ARHGAP17: variants seen among roughly 807,000 people sequenced by gnomAD.
ARHGAP17 encodes the protein rho GTPase-activating protein 17.
In ARHGAP17, 57 loss-of-function variants were observed where a neutral mutation model predicts 99.5. The ratio of observed to expected loss-of-function variants is 0.57; its 90% CI spans 0.46 to 0.71. The LOEUF (loss-of-function observed/expected upper bound fraction) is 0.71, where lower values mean the gene tolerates loss of function less well. Ranked by LOEUF, ARHGAP17 falls within the 30% of genes least tolerant of loss-of-function variation. The pLI is 0.00. For missense variants in ARHGAP17, 1,000 were observed against 1,122.4 expected (o/e 0.89, Z 1.56); for synonymous variants, 417 against 429.6 (o/e 0.97, Z 0.36).
At chr16:25,010,527 G>A (rs900836284) in intron 1 of ARHGAP17, among the ~76,000 whole-genome samples, 5 of 152,212 alleles carry the variant, frequency 3.3e-5, no homozygotes, top group African/African-American at 9.6e-5. Flanking sequence ...AGTAAAGAAA[G>A]GATGAGCTGT....
intron 17 of ARHGAP17, among the ~76,000 whole-genome samples, chr16:24,937,607 AAGTC>A (rs1286781039): frequency 6.6e-6 from 1 of 152,194 alleles, no homozygotes; most frequent in East Asian, 1.9e-4. Context: ...AAGCCCTAAG[AAGTC>A]TGAAGTCTTA....
chr16:25,011,964 T>C (rs189499983), intron 1 of ARHGAP17, among the ~76,000 whole-genome samples: 1 of 152,200 alleles, frequency 6.6e-6, no homozygotes, highest in Non-Finnish European at 1.5e-5. Flanking sequence ...GGTTTTGCTC[T>C]GTGCATTAGC....
At chr16:24,931,451 G>T in intron 18 of ARHGAP17, 47 bp from the exon 19 acceptor site, 1 of 1,483,752 alleles carries the variant, frequency 6.7e-7, no homozygotes. Context: ...CAGTGAGGCA[G>T]CAACCAACCC....
At position 25,010,404 on chromosome 16, in the gene ARHGAP17, G is replaced by A. The variant is rs573078258; in HGVS notation, c.53+4805C>T. On this transcript the variant is annotated intron_variant, in intron 1 of 19. Transcript: ENST00000289968. ...AGGTTTCCATCTTTGTCAGAGAGAA[G>A]TTATCATTGTCAGGAGACGAAATCC... Among the ~76,000 whole-genome samples, 238 of 152,294 alleles carry A rather than the reference G, an allele frequency of 1.6e-3. 1 individual carries two copies. The highest frequency in any genetic ancestry group is 2.9e-3 in the Non-Finnish European group (194 of 68,030).
At chr16:24,993,697 A>C (rs934035046) in intron 1 of ARHGAP17, among the ~76,000 whole-genome samples, 2 of 152,158 alleles carry the variant, frequency 1.3e-5, no homozygotes, top group Admixed American at 1.3e-4. Context: ...TGAATTACAC[A>C]ATGTGAACCA....
At position 24,947,589 on chromosome 16, in the gene ARHGAP17, C is replaced by A; in HGVS notation, c.1134G>T (p.Leu378Phe). ...GAGCAAGCTTTGCAAGGAACTTGAT[C>A]AAATATCTAGGGGTCAAAAGAGAAG... The part of the protein sequence containing the change: ...PPQNFVNFRY[L>F]IKFLAKLAQT... The change falls in exon 14 of 20, where the codon TTG becomes TTT. Residue 378 changes from leucine (L) to phenylalanine (F), a missense_variant. By Grantham distance (22) the Leu-to-Phe change is conservative. Around this residue, in one of 2 missense-constraint regions of ARHGAP17, gnomAD observed 472 missense variants for 611.1 expected, o/e 0.77. Transcript: ENST00000289968. 1.2e-6 allele frequency: 2 copies of A among 1,610,146 alleles called. No homozygotes were observed. The highest frequency in any genetic ancestry group is 2.2e-5 in the South Asian group (2 of 91,044).
At chr16:24,964,927 A>G (rs866046840) in intron 6 of ARHGAP17, among the ~76,000 whole-genome samples, 1 of 151,818 alleles carries the variant, frequency 6.6e-6, no homozygotes, top group African/African-American at 2.4e-5. Flanking sequence ...GGACAACACA[A>G]CAAGACTCCA....
chr16:24,943,984 A>C, intron 14 of ARHGAP17, 122 bp from the exon 15 acceptor site: 3 of 933,740 alleles, frequency 3.2e-6, no homozygotes, highest in Non-Finnish European at 4.9e-6. Flanking sequence ...CAAAAATCAA[A>C]ATCACTGGCC....
At chr16:24,977,181 G>A (rs747007194) in intron 3 of ARHGAP17, 34 bp downstream of exon 3, 2 of 1,510,934 alleles carry the variant, frequency 1.3e-6, no homozygotes, top group Non-Finnish European at 1.8e-6. Context: ...GAGAGACGCA[G>A]GAACTGTGGG....
At chr16:24,973,569 G>A (rs2052430512) in intron 3 of ARHGAP17, among the ~76,000 whole-genome samples, 2 of 152,192 alleles carry the variant, frequency 1.3e-5, no homozygotes, top group Admixed American at 1.3e-4. Context: ...CAGCTGCCTG[G>A]AATATTCCCA....
intron 18 of ARHGAP17, among the ~76,000 whole-genome samples, chr16:24,931,773 CAT>C (rs2050999183): frequency 6.6e-6 from 1 of 152,112 alleles, no homozygotes; most frequent in Non-Finnish European, 1.5e-5. Flanking sequence ...AGAAAATGGA[CAT>C]GAGTGGAAAA....
At chr16:24,942,595 C>T (rs551122237) in intron 15 of ARHGAP17, among the ~76,000 whole-genome samples, 1 of 151,846 alleles carries the variant, frequency 6.6e-6, no homozygotes, top group African/African-American at 2.4e-5. Flanking sequence ...CGTGAAACCC[C>T]GTCTCTACTA....
At chr16:24,946,214 C>T (rs1056441473) in intron 14 of ARHGAP17, among the ~76,000 whole-genome samples, 6 of 152,006 alleles carry the variant, frequency 3.9e-5, no homozygotes, top group Non-Finnish European at 7.4e-5. Flanking sequence ...ATGAATGACT[C>T]CCCACCACCC....
intron 9 of ARHGAP17, among the ~76,000 whole-genome samples, chr16:24,959,255 G>C (rs1302370584): frequency 1.3e-5 from 2 of 152,148 alleles, no homozygotes; most frequent in East Asian, 3.8e-4. Flanking sequence ...TCAAGTACTG[G>C]CTTCTCTTTT....
chr16:24,994,664 G>A (rs116818157), intron 1 of ARHGAP17, among the ~76,000 whole-genome samples: 2,152 of 152,160 alleles, frequency 0.014, 47 homozygotes, highest in African/African-American at 0.049. Context: ...TGAACTCTAC[G>A]GGATAAGTAT....
intron 6 of ARHGAP17, among the ~76,000 whole-genome samples, chr16:24,965,390 A>AG (rs1242277820): frequency 1.4e-4 from 22 of 152,222 alleles, no homozygotes; most frequent in Non-Finnish European, 1.6e-4. Flanking sequence ...GAATGGCGTG[A>AG]ACCTGGGAGG....
chr16:24,950,015 C>T (rs2051587356), intron 12 of ARHGAP17, among the ~76,000 whole-genome samples: 1 of 152,158 alleles, frequency 6.6e-6, no homozygotes. Flanking sequence ...AACGTACAAA[C>T]TTGCAGAGAC....
In ARHGAP17 at chr16:24,943,937, T is replaced by G. The variant is rs573935061; in HGVS notation, c.1242-75A>C. 12 of 1,284,520 alleles carry G rather than the reference T, an allele frequency of 9.3e-6. No individual in the cohort carries two copies. The South Asian group carries it at 1.5e-4, about 16-fold the overall frequency. The allele number at this position is 1,284,520 out of a possible 1,614,324, so 79.6% of individuals were successfully genotyped here. A position where few individuals can be genotyped will look rare whatever the true frequency, so the allele number is the denominator to read the frequency against. Reference sequence around the variant, plus strand: ...ATTTCTTCTGGTTGTGTCAGGGCAATTCAATTATTTTTAAAGGATAAAATA... The same window carrying G: ...ATTTCTTCTGGTTGTGTCAGGGCAAGTCAATTATTTTTAAAGGATAAAATA... On this transcript the variant is annotated intron_variant, in intron 14 of 19. Coordinates refer to ENST00000289968, the MANE Select transcript of ARHGAP17 (RefSeq NM_001006634.3).
intron 17 of ARHGAP17, among the ~76,000 whole-genome samples, chr16:24,938,763 C>T (rs1276292039): frequency 1.8e-4 from 26 of 141,630 alleles, no homozygotes; most frequent in Admixed American, 1.7e-3. Context: ...CAGAGCAAGA[C>T]GCAGTCTCAG....
Sources: allele counts gnomAD v4.1 joint callset (sites outside exome capture counted in the v4.1 genomes callset), GRCh38; gene constraint gnomAD v4.1.1; regional missense constraint gnomAD v4.1.1; transcripts MANE v1.5; gene names NCBI Gene and HGNC (gene_info 2026-07-23, HGNC 2026-07-21).